UNC13B: variants seen among roughly 807,000 people sequenced by gnomAD.
UNC13B encodes the protein protein unc-13 homolog B.
Under a neutral mutation model 211.0 loss-of-function variants are expected in UNC13B, and 144 were observed. The observed-to-expected ratio is 0.68, with a 90% CI of 0.60 to 0.78. UNC13B has a LOEUF of 0.78. UNC13B is among the 30% of genes least tolerant of loss of function. UNC13B has a pLI of 0.00. For synonymous variants in UNC13B, 709 were observed against 725.8 expected (o/e 0.98, Z 0.37); for missense variants, 1,777 against 2,002.0 (o/e 0.89, Z 2.14).
intron 21 of UNC13B, 40 bp from the exon 22 acceptor site, chr9:35,384,206 G>A (rs1835036575): frequency 1.9e-6 from 3 of 1,612,688 alleles, no homozygotes; most frequent in Admixed American, 1.7e-5. Flanking sequence ...TCAGACACAG[G>A]TTCTCTTTTT....
At chr9:35,211,165 A>G (rs183209752) in intron 1 of UNC13B, among the ~76,000 whole-genome samples, 1 of 152,376 alleles carries the variant, frequency 6.6e-6, no homozygotes, top group Non-Finnish European at 1.5e-5. Flanking sequence ...TTTAAGTAAG[A>G]ATAAAGAATA....
At chr9:35,285,546 C>T (rs922295205) in intron 7 of UNC13B, among the ~76,000 whole-genome samples, 6 of 152,056 alleles carry the variant, frequency 3.9e-5, no homozygotes, top group Non-Finnish European at 8.8e-5. Context: ...TGGTGAGACC[C>T]CATCTCTACA....
In UNC13B at chr9:35,301,717, C is replaced by T. The variant is rs1016927346; in HGVS notation, c.2313C>T (p.Ala771=). Residue 771 remains alanine (A), a synonymous_variant, in exon 9 of 40, where the codon GCC becomes GCT. Transcript: ENST00000635942. ...TACCAGATCAACAAAAAATATGTGC[C>T]AAAGATACTCCAGGACATCCTTGTA... ...SLLPDQQKIC[A]KDTPGHPCIA... is the part of the protein sequence containing the mutation. 1.3e-5 allele frequency: 5 copies of T among 398,592 alleles called. No individual in the cohort carries two copies. Among genetic ancestry groups the T allele is most frequent in the African/African-American group, 1.0e-4 (5 of 48,558 alleles). The allele number at this position is 398,592 out of a possible 1,614,324, so 24.7% of individuals were successfully genotyped here.
chr9:35,386,788 AC>A (rs2132287988), intron 24 of UNC13B, among the ~76,000 whole-genome samples: 1 of 152,162 alleles, frequency 6.6e-6, no homozygotes, highest in African/African-American at 2.4e-5. Flanking sequence ...ATCAAGACTG[AC>A]CCTATCCTTC....
chr9:35,374,843 G>A (rs535082886), intron 13 of UNC13B, among the ~76,000 whole-genome samples: 8 of 152,266 alleles, frequency 5.3e-5, no homozygotes, highest in African/African-American at 1.7e-4. Context: ...TTTCTGTGGG[G>A]TAGGACACTA....
intron 13 of UNC13B, among the ~76,000 whole-genome samples, chr9:35,374,637 G>A (rs563419208): frequency 1.3e-5 from 2 of 152,350 alleles, no homozygotes; most frequent in Non-Finnish European, 2.9e-5. Flanking sequence ...AGGCCTGCTG[G>A]CCTCTGCAGC....
chr9:35,384,887 T>G (rs1835092762), intron 22 of UNC13B: 2 of 667,946 alleles, frequency 3.0e-6, no homozygotes, highest in Non-Finnish European at 1.9e-6. Context: ...AGAAATGGCT[T>G]CATTACTTGC....
chr9:35,382,434 A>G lies in UNC13B; in HGVS notation c.10733A>G (p.Asn3578Ser), dbSNP rs1834911229. The change falls in exon 21 of 40, where the codon AAC (asparagine) becomes AGC (serine). Residue 3578 changes from asparagine to serine, a missense_variant. Coordinates refer to ENST00000635942, the MANE Select transcript of UNC13B (RefSeq NM_001371189.2). ...ATGAGCACCTTACTGGCCAACATCAACGCCTACTATGCCCACACAACTGCC... is the reference window on the plus strand; with the variant it reads ...ATGAGCACCTTACTGGCCAACATCAGCGCCTACTATGCCCACACAACTGCC... ...AVMSTLLANI[N>S]AYYAHTTAST... is the part of the protein sequence containing the mutation. 1.9e-6 allele frequency: 3 copies of G among 1,614,038 alleles called. No homozygotes were observed. Among genetic ancestry groups the G allele is most frequent in the African/African-American group, 1.3e-5 (1 of 74,916 alleles).
chr9:35,261,208 C>T (rs920577541), intron 7 of UNC13B, among the ~76,000 whole-genome samples: 2 of 152,106 alleles, frequency 1.3e-5, no homozygotes, highest in Admixed American at 1.3e-4. Context: ...ATTTTTCTCT[C>T]ATGTTTCTTT....
intron 12 of UNC13B, among the ~76,000 whole-genome samples, chr9:35,368,233 C>A (rs886561488): frequency 6.6e-6 from 1 of 152,138 alleles, no homozygotes; most frequent in East Asian, 1.9e-4. Flanking sequence ...TCAAGTAGGC[C>A]CGTGTCTGTT....
chr9:35,293,783 G>C (rs1324712387), intron 7 of UNC13B, among the ~76,000 whole-genome samples: 1 of 152,120 alleles, frequency 6.6e-6, no homozygotes, highest in Non-Finnish European at 1.5e-5. Context: ...TTCAAGCTTT[G>C]CTACTCCTGC....
chr9:35,322,287 C>A (rs778348233), intron 11 of UNC13B, among the ~76,000 whole-genome samples: 25 of 152,106 alleles, frequency 1.6e-4, no homozygotes, highest in Admixed American at 3.3e-4. Context: ...GGCTTAGCTG[C>A]AGAAAAATCT....
At chr9:35,399,886 C>T (rs1267701003) in intron 36 of UNC13B, among the ~76,000 whole-genome samples, 157 bp downstream of exon 36, 1 of 152,148 alleles carries the variant, frequency 6.6e-6, no homozygotes, top group Non-Finnish European at 1.5e-5. Flanking sequence ...GATATGGTTC[C>T]TAAATTCAAG....
chr9:35,252,916 C>T (rs909883842), intron 6 of UNC13B, among the ~76,000 whole-genome samples: 1 of 151,024 alleles, frequency 6.6e-6, no homozygotes, highest in African/African-American at 2.4e-5. Context: ...GGCAACAGAG[C>T]GAGACTCTGT....
chr9:35,168,197 T>A (rs1821145646), intron 1 of UNC13B, among the ~76,000 whole-genome samples: 1 of 152,164 alleles, frequency 6.6e-6, no homozygotes, highest in Admixed American at 6.5e-5. Flanking sequence ...GGATTACAGG[T>A]GTGAGCCACT....
At chr9:35,243,757 G>T (rs1284014744) in intron 6 of UNC13B, among the ~76,000 whole-genome samples, 4 of 152,018 alleles carry the variant, frequency 2.6e-5, no homozygotes, top group African/African-American at 9.7e-5. Context: ...GTTTGTTCTT[G>T]CTGGTCCTAA....
At chr9:35,392,824 A>C (rs940769161) in intron 26 of UNC13B, among the ~76,000 whole-genome samples, 1 of 152,136 alleles carries the variant, frequency 6.6e-6, no homozygotes, top group Admixed American at 6.6e-5. Flanking sequence ...AAAAGGGTGA[A>C]ACATTAAAAA....
intron 6 of UNC13B, among the ~76,000 whole-genome samples, chr9:35,249,528 G>A (rs924184243): frequency 6.6e-6 from 1 of 152,174 alleles, no homozygotes; most frequent in African/African-American, 2.4e-5. Context: ...GCTTCCTTCA[G>A]GAGCTCTTGT....
chr9:35,359,057 C>T (rs1266987690), intron 11 of UNC13B, among the ~76,000 whole-genome samples: 1 of 151,922 alleles, frequency 6.6e-6, no homozygotes. Context: ...TATTCTTGTG[C>T]ATATGGGTAT....
Sources: allele counts gnomAD v4.1 joint callset (sites outside exome capture counted in the v4.1 genomes callset), GRCh38; gene constraint gnomAD v4.1.1; transcripts MANE v1.5; gene names NCBI Gene and HGNC (gene_info 2026-07-23, HGNC 2026-07-21).